Variants in GALNT13 observed in about 807,000 individuals in gnomAD.
GALNT13 encodes the protein UDP-GalNAc:polypeptide N-acetylgalactosaminyltransferase 13.
A neutral mutation model predicts 64.2 loss-of-function variants in GALNT13; 28 were observed. The ratio of observed to expected loss-of-function variants is 0.44; its 90% CI spans 0.32 to 0.60. The LOEUF (loss-of-function observed/expected upper bound fraction) is 0.60, where lower values mean the gene tolerates loss of function less well. Ranked by LOEUF, GALNT13 falls within the 20% of genes least tolerant of loss-of-function variation. GALNT13 has a pLI of 0.05. For synonymous variants in GALNT13, 214 were observed against 224.6 expected (o/e 0.95, Z 0.42); for missense variants, 577 against 669.8 (o/e 0.86, Z 1.53).
the GALNT13 span, chr2:153,446,758 T>A: frequency 1.3e-5 from 2 of 152,226 alleles, no homozygotes; most frequent in Non-Finnish European, 2.9e-5. Context: ...TAATAGGTCA[T>A]GGAATCAATC....
At chr2:153,399,100 A>G in the GALNT13 span, among the ~76,000 whole-genome samples, 3 of 133,124 alleles carry the variant, frequency 2.3e-5, no homozygotes, top group East Asian at 2.1e-4. Flanking sequence ...TGATTTTTGT[A>G]TAAGGTGTAA....
the GALNT13 span, among the ~76,000 whole-genome samples, chr2:153,576,626 T>C: frequency 1.3e-5 from 2 of 152,066 alleles, no homozygotes; most frequent in African/African-American, 2.4e-5. Flanking sequence ...CTGCTGGGGG[T>C]TGGGGAAGGG....
the GALNT13 span, among the ~76,000 whole-genome samples, chr2:153,408,059 G>A: frequency 1.6e-4 from 24 of 152,324 alleles, no homozygotes; most frequent in South Asian, 2.3e-3. Context: ...GTGGATAGGA[G>A]ACTTCAAATT....
the GALNT13 span, among the ~76,000 whole-genome samples, chr2:153,541,437 TC>T: frequency 6.6e-6 from 1 of 152,170 alleles, no homozygotes; most frequent in Admixed American, 6.5e-5. Flanking sequence ...TCTCTTGCCC[TC>T]CTGTCTCTCA....
chr2:154,285,238 T>G (rs911571651), intron 8 of GALNT13, among the ~76,000 whole-genome samples: 3 of 152,192 alleles, frequency 2.0e-5, no homozygotes, highest in Non-Finnish European at 2.9e-5. Flanking sequence ...TTAATTTGTC[T>G]CTTTTTGCTT....
the GALNT13 span, among the ~76,000 whole-genome samples, chr2:153,829,351 T>C: frequency 1.3e-5 from 2 of 152,112 alleles, no homozygotes; most frequent in Non-Finnish European, 2.9e-5. Context: ...CAGTTCCACA[T>C]GGCTGGGGAG....
the GALNT13 span, among the ~76,000 whole-genome samples, chr2:153,527,407 A>G: frequency 1.3e-5 from 2 of 152,178 alleles, no homozygotes; most frequent in Admixed American, 1.3e-4. Flanking sequence ...GTGCGGAAGG[A>G]AAAAGACTTT....
the GALNT13 span, among the ~76,000 whole-genome samples, chr2:153,135,745 A>G: frequency 7.2e-5 from 11 of 152,200 alleles, no homozygotes; most frequent in East Asian, 1.9e-3. Flanking sequence ...CAAGGTCATG[A>G]GTAGCTTAGG....
the GALNT13 span, among the ~76,000 whole-genome samples, chr2:153,623,628 CG>C: frequency 1.3e-5 from 2 of 151,362 alleles, no homozygotes; most frequent in Non-Finnish European, 2.9e-5. Context: ...CAGAATGGAA[CG>C]AAATATAATT....
At chr2:153,481,047 T>C in the GALNT13 span, among the ~76,000 whole-genome samples, 1 of 152,102 alleles carries the variant, frequency 6.6e-6, no homozygotes, top group Non-Finnish European at 1.5e-5. Context: ...AATCTTTGGG[T>C]GGGATCTTTT....
At chr2:153,625,956 T>G in the GALNT13 span, among the ~76,000 whole-genome samples, 1 of 152,126 alleles carries the variant, frequency 6.6e-6, no homozygotes, top group Non-Finnish European at 1.5e-5. Flanking sequence ...CAAGGCATAA[T>G]TTTTCTTATT....
chr2:153,252,412 T>G, the GALNT13 span, among the ~76,000 whole-genome samples: 136 of 133,780 alleles, frequency 1.0e-3, 2 homozygotes, highest in Admixed American at 3.6e-3. Flanking sequence ...TTTCTCCCAT[T>G]TTGTAGGTTG....
intron 3 of GALNT13, among the ~76,000 whole-genome samples, chr2:154,029,188 C>CA (rs10551254): frequency 0.08 from 10,717 of 134,222 alleles, 495 homozygotes; most frequent in Middle Eastern, 0.16. Flanking sequence ...TTTTGTAAAT[C>CA]AAAAAAAAAA....
intron 3 of GALNT13, among the ~76,000 whole-genome samples, chr2:154,049,534 T>C (rs1053159857): frequency 3.4e-5 from 5 of 148,278 alleles, no homozygotes; most frequent in Admixed American, 2.0e-4. Context: ...TATATATATG[T>C]ATCACTACAG....
the GALNT13 span, among the ~76,000 whole-genome samples, chr2:153,760,065 T>G: frequency 6.6e-6 from 1 of 152,182 alleles, no homozygotes; most frequent in East Asian, 1.9e-4. Context: ...ATTTATTTAT[T>G]GGTTGGCATA....
chr2:153,664,680 G>C, the GALNT13 span, among the ~76,000 whole-genome samples: 1 of 152,164 alleles, frequency 6.6e-6, no homozygotes, highest in African/African-American at 2.4e-5. Context: ...CAGGCATTAA[G>C]AAATTATAAA....
chr2:154,095,227 G>C (rs1702014840), intron 3 of GALNT13, among the ~76,000 whole-genome samples: 1 of 151,816 alleles, frequency 6.6e-6, no homozygotes, highest in South Asian at 2.1e-4. Context: ...TCCTTCAGGT[G>C]TTAGTTCATT....
At chr2:153,353,382 C>T in the GALNT13 span, among the ~76,000 whole-genome samples, 1 of 152,102 alleles carries the variant, frequency 6.6e-6, no homozygotes, top group Non-Finnish European at 1.5e-5. Context: ...CATAGACAGT[C>T]ATGTCATTTG....
At chr2:153,855,580 A>T in the GALNT13 span, among the ~76,000 whole-genome samples, 1 of 152,212 alleles carries the variant, frequency 6.6e-6, no homozygotes, top group South Asian at 2.1e-4. Context: ...AATCAAAAGG[A>T]CATCATAAGT....
Sources: allele counts gnomAD v4.1 joint callset (sites outside exome capture counted in the v4.1 genomes callset), GRCh38; gene constraint gnomAD v4.1.1; transcripts MANE v1.5; gene names NCBI Gene and HGNC (gene_info 2026-07-23, HGNC 2026-07-21).